LIMA1: variants seen among roughly 807,000 people sequenced by gnomAD.
LIMA1 encodes LIM domain and actin binding 1, also known as LIM domain and actin-binding protein 1.
LIMA1 carries 52 observed loss-of-function variants against 62.6 expected under a neutral mutation model. The observed-to-expected ratio is 0.83, with a 90% CI of 0.67 to 1.05. The LOEUF (loss-of-function observed/expected upper bound fraction) is 1.05, where lower values mean the gene tolerates loss of function less well. Among genes scored for constraint, LIMA1 ranks in the 50% least tolerant of loss-of-function variants. LIMA1 has a pLI of 0.00. For synonymous variants in LIMA1, 302 were observed against 317.8 expected (o/e 0.95, Z 0.53); for missense variants, 780 against 902.2 (o/e 0.86, Z 1.74).
intron 2 of LIMA1, among the ~76,000 whole-genome samples, chr12:50,236,359 G>A (rs1941694317): frequency 6.9e-6 from 1 of 145,516 alleles, no homozygotes; most frequent in Non-Finnish European, 1.5e-5. Context: ...GTGCAGTGGC[G>A]TGATCTCGGC....
chr12:50,181,093 CAG>C (rs1219870591), intron 10 of LIMA1, among the ~76,000 whole-genome samples: 2 of 119,494 alleles, frequency 1.7e-5, no homozygotes, highest in Non-Finnish European at 3.2e-5. Context: ...CCCTGGGCAA[CAG>C]AGTGAGACTC....
intron 2 of LIMA1, among the ~76,000 whole-genome samples, chr12:50,240,436 A>G (rs1488194660): frequency 6.6e-6 from 1 of 152,192 alleles, no homozygotes; most frequent in Non-Finnish European, 1.5e-5. Context: ...AGGTGGCATT[A>G]ATGAGAGATA....
intron 9 of LIMA1, among the ~76,000 whole-genome samples, chr12:50,184,410 A>G (rs1192121343): frequency 6.6e-6 from 1 of 152,224 alleles, no homozygotes; most frequent in Non-Finnish European, 1.5e-5. Flanking sequence ...TGGGAGGCCA[A>G]GGCAGGTGGA....
intron 6 of LIMA1, chr12:50,201,391 GA>G: frequency 3.4e-5 from 33 of 983,368 alleles, no homozygotes; most frequent in Non-Finnish European, 4.0e-5. Flanking sequence ...ATACCATAAA[GA>G]AACCTTTTTG....
chr12:50,231,746 A>T (rs1371444043), intron 2 of LIMA1, 36 bp from the exon 3 acceptor site: 1 of 1,589,388 alleles, frequency 6.3e-7, no homozygotes, highest in Admixed American at 1.7e-5. Flanking sequence ...TCTCAAATTA[A>T]ACTTATATTT....
chr12:50,279,065 G>T (rs1421372023), intron 1 of LIMA1, among the ~76,000 whole-genome samples: 1 of 149,702 alleles, frequency 6.7e-6, no homozygotes, highest in Non-Finnish European at 1.5e-5. Context: ...GAGTGCAGTG[G>T]CATGAGCTTG....
chr12:50,224,896 A>ATTTTTTTT (rs773474227), intron 3 of LIMA1, among the ~76,000 whole-genome samples: 2 of 104,858 alleles, frequency 1.9e-5, no homozygotes, highest in African/African-American at 4.1e-5. Context: ...CATGCCTGGC[A>ATTTTTTTT]TTTTTTTTTT....
At position 50,177,056 on chromosome 12, in the gene LIMA1, G is replaced by A; in HGVS notation, c.*8C>T. The A allele has an allele frequency of 6.5e-7, 1 of 1,537,156 alleles. No individual in the cohort carries two copies. The highest frequency in any genetic ancestry group is 1.7e-4 in the Middle Eastern group (1 of 5,726). On this transcript the variant is annotated 3_prime_UTR_variant, in exon 11 of 11. Transcript: ENST00000341247. ...CATGAATTTAAGGCCCAGCATCATT[G>A]CAATTTGTCACTCTTCATCCTCATC...
At chr12:50,212,561 C>T (rs764841870) in intron 4 of LIMA1, among the ~76,000 whole-genome samples, 25 of 151,422 alleles carry the variant, frequency 1.7e-4, no homozygotes, top group Non-Finnish European at 7.4e-5. Context: ...TTTGTATTCC[C>T]AAGCATTCTA....
chr12:50,271,835 C>T (rs996212634), intron 1 of LIMA1, among the ~76,000 whole-genome samples: 1 of 152,152 alleles, frequency 6.6e-6, no homozygotes, highest in Non-Finnish European at 1.5e-5. Context: ...TACACTAGTA[C>T]TGAATTGCCA....
rs994526448 is a variant in LIMA1 at position 50,200,656 on chromosome 12, G to C, written c.972+121C>G. On this transcript the variant is annotated intron_variant, in intron 7 of 10. Transcript: ENST00000341247. Reference sequence around the variant, plus strand: ...ACCTGCAAAAATGGCAATCTGTCCTGGCAGCTGTTACCAAATTCCCAGACA... The same window carrying C: ...ACCTGCAAAAATGGCAATCTGTCCTCGCAGCTGTTACCAAATTCCCAGACA... The C allele has an allele frequency of 8.8e-5, 95 of 1,084,532 alleles. No homozygotes were observed. In the African/African-American group the frequency reaches 1.4e-3, roughly 16 times the overall value. 67.2% of individuals were successfully genotyped at this position (1,084,532 alleles called of 1,614,324 possible).
intron 9 of LIMA1, among the ~76,000 whole-genome samples, chr12:50,183,077 G>A (rs1294983897): frequency 4.6e-5 from 7 of 152,044 alleles, no homozygotes; most frequent in African/African-American, 7.2e-5. Flanking sequence ...TGGTACACTC[G>A]TGTAATCCCA....
At chr12:50,223,857 G>A (rs115567036) in intron 3 of LIMA1, among the ~76,000 whole-genome samples, 1,595 of 152,212 alleles carry the variant, frequency 0.01, 25 homozygotes, top group African/African-American at 0.035. Flanking sequence ...GGCCAACACC[G>A]TGAAACCACG....
intron 3 of LIMA1, chr12:50,222,784 C>T (rs1328685155): frequency 2.4e-5 from 22 of 918,778 alleles, no homozygotes; most frequent in Non-Finnish European, 3.0e-5. Flanking sequence ...ACATGCGAAA[C>T]AAGAGATTTT....
chr12:50,209,466 G>A (rs1192189924), intron 4 of LIMA1, among the ~76,000 whole-genome samples: 2 of 151,336 alleles, frequency 1.3e-5, no homozygotes, highest in African/African-American at 4.9e-5. Context: ...CTACTCAGGA[G>A]GCTGAGGTTG....
chr12:50,180,260 A>C (rs1479782706), intron 10 of LIMA1, among the ~76,000 whole-genome samples: 5 of 150,842 alleles, frequency 3.3e-5, no homozygotes, highest in African/African-American at 4.9e-5. Context: ...ACATCATCCC[A>C]CTGCACTCCA....
chr12:50,200,803 A>C lies in LIMA1; in HGVS notation c.946T>G (p.Cys316Gly), dbSNP rs1445315243. Reference sequence around the variant, plus strand: ...TTTTCCCCTTCCTGATGGGTGATGCAGACCTCAGGACCTGGGGGCACATTC... The same window carrying C: ...TTTTCCCCTTCCTGATGGGTGATGCCGACCTCAGGACCTGGGGGCACATTC... The part of the protein sequence containing the change: ...KENVPPGPEV[C>G]ITHQEGEKIS... Residue 316 changes from cysteine (C) to glycine (G), a missense_variant, in exon 7 of 11, where the codon TGC becomes GGC. Coordinates refer to ENST00000341247, the MANE Select transcript of LIMA1 (RefSeq NM_016357.5). 1 of 1,614,156 alleles carries C rather than the reference A, an allele frequency of 6.2e-7. No individual in the cohort carries two copies. Among genetic ancestry groups the C allele is most frequent in the South Asian group, 1.1e-5 (1 of 91,070 alleles).
chr12:50,199,202 G>A (rs1025649916), intron 7 of LIMA1, among the ~76,000 whole-genome samples: 3 of 152,138 alleles, frequency 2.0e-5, no homozygotes, highest in Non-Finnish European at 2.9e-5. Flanking sequence ...ATGGTGGCAC[G>A]TACCCGGAAT....
intron 1 of LIMA1, among the ~76,000 whole-genome samples, chr12:50,272,218 C>CT (rs1942220034): frequency 6.6e-6 from 1 of 152,004 alleles, no homozygotes; most frequent in Non-Finnish European, 1.5e-5. Context: ...TAACCAATAC[C>CT]TTCAAGCAGG....
Sources: allele counts gnomAD v4.1 joint callset (sites outside exome capture counted in the v4.1 genomes callset), GRCh38; gene constraint gnomAD v4.1.1; transcripts MANE v1.5; gene names NCBI Gene and HGNC (gene_info 2026-07-23, HGNC 2026-07-21).